The following SUCO variants were observed in gnomAD, a reference collection of about 807,000 sequenced individuals.
SUCO encodes the protein SUN domain-containing ossification factor.
In SUCO, 57 loss-of-function variants were observed where a neutral mutation model predicts 148.1. The ratio of observed to expected loss-of-function variants is 0.38; its 90% confidence interval spans 0.31 to 0.48. The LOEUF is 0.48. Among genes scored for constraint, SUCO ranks in the 20% least tolerant of loss-of-function variants. The pLI is 0.96. For missense variants in SUCO, 1,331 were observed against 1,468.2 expected, an observed-to-expected ratio of 0.91 and a Z score of 1.53; for synonymous variants, 470 against 502.7, an observed-to-expected ratio of 0.93 and a Z score of 0.87.
chr1:172,557,432 T>C lies in SUCO; in HGVS notation c.581+15T>C. 2.5e-6 allele frequency: 4 copies of C among 1,613,496 alleles called. No individual in the cohort carries two copies. Among genetic ancestry groups the C allele is most frequent in the Non-Finnish European group, 8.5e-7 (1 of 1,179,670 alleles). ...CCACCTGACAGGTGGGTAGGAGCAGTTGTTTGTCCTTCTTATGATTCTGTA... is the reference window on the plus strand; with the variant it reads ...CCACCTGACAGGTGGGTAGGAGCAGCTGTTTGTCCTTCTTATGATTCTGTA... On this transcript the variant is annotated intron_variant, in intron 5 of 23. Transcript: ENST00000263688.
In SUCO at chr1:172,611,309, G is replaced by A. The variant is rs879129426; in HGVS notation, c.*1050G>A. 2 of 152,672 alleles carry A rather than the reference G, an allele frequency of 1.3e-5. No individual in the cohort carries two copies. Among genetic ancestry groups the A allele is most frequent in the Admixed American group, 6.5e-5 (1 of 15,294 alleles). 9.5% of individuals were successfully genotyped at this position (152,672 alleles called of 1,614,324 possible). A position where few individuals can be genotyped will look rare whatever the true frequency, so the allele number is the denominator to read the frequency against. The stretch of plus-strand genomic sequence containing the variant: ...GCAGAGGTAATACATATGTGATGTC[G>A]ATGTCTCTGTCTTTTTTTTTGTCTT... On this transcript the variant is annotated 3_prime_UTR_variant, in exon 24 of 24. Coordinates refer to ENST00000263688, the MANE Select transcript of SUCO (RefSeq NM_014283.5).
At chr1:172,559,158 A>AC (rs1267270331) in intron 6 of SUCO, among the ~76,000 whole-genome samples, 3 of 152,198 alleles carry the variant, frequency 2.0e-5, no homozygotes, top group Admixed American at 2.0e-4. Flanking sequence ...TCTGTGAGAC[A>AC]CTGATTGCCG....
At chr1:172,547,896 G>C (rs1034469507) in intron 1 of SUCO, among the ~76,000 whole-genome samples, 1 of 152,072 alleles carries the variant, frequency 6.6e-6, no homozygotes, top group Non-Finnish European at 1.5e-5. Flanking sequence ...TAAGTTACTG[G>C]GAGAGAGGGA....
intron 6 of SUCO, among the ~76,000 whole-genome samples, chr1:172,561,355 TAGG>T (rs1253752057): frequency 2.0e-5 from 3 of 152,106 alleles, no homozygotes; most frequent in African/African-American, 4.8e-5. Context: ...TGTGGTTAGT[TAGG>T]AGGTCTGTGG....
At chr1:172,574,081 T>G in intron 10 of SUCO, 83 bp downstream of exon 10, 1 of 744,384 alleles carries the variant, frequency 1.3e-6, no homozygotes, top group Non-Finnish European at 2.3e-6. Flanking sequence ...GTGGGTCACA[T>G]TTTGACTTCA....
At chr1:172,595,939 C>T (rs1351789147) in intron 19 of SUCO, among the ~76,000 whole-genome samples, 1 of 152,220 alleles carries the variant, frequency 6.6e-6, no homozygotes, top group East Asian at 1.9e-4. Flanking sequence ...TTGGTCTTTT[C>T]ACATAGTCCC....
At chr1:172,542,387 A>G (rs1652535932) in intron 1 of SUCO, among the ~76,000 whole-genome samples, 1 of 152,052 alleles carries the variant, frequency 6.6e-6, no homozygotes, top group Admixed American at 6.6e-5. Flanking sequence ...CGTCTCAAAA[A>G]AAAAGAAAAA....
At chr1:172,609,217 A>AT (rs11372208) in intron 23 of SUCO, 212,923 of 797,024 alleles carry the variant, frequency 0.27, 11,684 homozygotes, top group South Asian at 0.36. Flanking sequence ...TGTTATCCTC[A>AT]TTTTTTTTTT....
chr1:172,571,463 C>T (rs1181138632), intron 9 of SUCO, among the ~76,000 whole-genome samples: 3 of 151,946 alleles, frequency 2.0e-5, no homozygotes, highest in South Asian at 4.2e-4. Context: ...AAGATTGCAG[C>T]CTGTGCCCGG....
Position 172,579,206 on chromosome 1 carries a change from T to G in SUCO, c.1437T>G (p.Tyr479Ter). Reference sequence around the variant, plus strand: ...TTTTATTTTCGTTTTTAACAGATTATCCACTGGATTATAATACTGGAGAGG... The same window carrying G: ...TTTTATTTTCGTTTTTAACAGATTAGCCACTGGATTATAATACTGGAGAGG... ...RQELFDEDYDYPLDYNTGEDK... is the reference protein window; with the variant it reads ...RQELFDEDYD Residue 479 changes from tyrosine to a stop codon, truncating the protein, a stop_gained, in exon 15 of 24, where the codon TAT (tyrosine) becomes TAG (stop). Transcript: ENST00000263688. LOFTEE classifies it high-confidence loss of function. 6.4e-7 allele frequency: 1 copy of G among 1,574,288 alleles called. No homozygotes were observed. Among genetic ancestry groups the G allele is most frequent in the Non-Finnish European group, 8.7e-7 (1 of 1,146,068 alleles).
At chr1:172,568,538 GT>G (rs1354998524) in intron 6 of SUCO, 93 of 723,368 alleles carry the variant, frequency 1.3e-4, no homozygotes, top group Non-Finnish European at 1.5e-4. Context: ...GTAAAGTTTT[GT>G]TTTTTCACAT....
intron 4 of SUCO, 144 bp downstream of exon 4, chr1:172,556,167 G>A (rs1402887119): frequency 3.3e-6 from 2 of 603,104 alleles, no homozygotes; most frequent in Admixed American, 3.0e-5. Context: ...TGTGTTTTGT[G>A]TGCGTATGTG....
chr1:172,610,152 A>T lies in SUCO; in HGVS notation c.3658A>T (p.Ile1220Leu). ...QDQGKLIKTLIQTKSGSLPSL... is the reference protein window; with the variant it reads ...QDQGKLIKTLLQTKSGSLPSL... ...CCAAGGAAAATTGATAAAAACTCTAATACAGACTAAGTCGGGATCATTGCC... is the reference window on the plus strand; with the variant it reads ...CCAAGGAAAATTGATAAAAACTCTATTACAGACTAAGTCGGGATCATTGCC... Residue 1220 changes from isoleucine (I) to leucine (L), a missense_variant, in exon 24 of 24, where the codon ATA (isoleucine) becomes TTA (leucine). This residue lies in a region of SUCO where 334 missense variants were observed against 352.3 expected (regional missense o/e 0.95). Coordinates refer to ENST00000263688, the MANE Select transcript of SUCO (RefSeq NM_014283.5). The T allele has an allele frequency of 6.2e-7, 1 of 1,613,690 alleles. No individual in the cohort carries two copies. The highest frequency in any genetic ancestry group is 8.5e-7 in the Non-Finnish European group (1 of 1,179,820).
Position 172,609,920 on chromosome 1 carries a change from G to C in SUCO, c.3426G>C (p.Thr1142=). The C allele has an allele frequency of 1.2e-6, 2 of 1,613,824 alleles. No individual in the cohort carries two copies. Among genetic ancestry groups the C allele is most frequent in the East Asian group, 2.2e-5 (1 of 44,874 alleles). The part of the protein sequence containing the change: ...NGDIKGRKPF[T]NQRDFSNMGE... ...ACATAAAAGGAAGAAAGCCCTTTAC[G>C]AACCAGAGAGATTTTTCTAATATGG... The change falls in exon 24 of 24, where the codon ACG becomes ACC. Residue 1142 remains threonine, a synonymous_variant. Transcript: ENST00000263688.
chr1:172,596,647 G>A (rs1657118293), intron 19 of SUCO, among the ~76,000 whole-genome samples: 1 of 152,192 alleles, frequency 6.6e-6, no homozygotes, highest in African/African-American at 2.4e-5. Flanking sequence ...TCCTCTGAAA[G>A]CTTTGTCTCA....
chr1:172,533,316 GC>G lies in SUCO; in HGVS notation c.-117del. 6.4e-7 allele frequency: 1 copy of G among 1,551,076 alleles called. No individual in the cohort carries two copies. Among genetic ancestry groups the G allele is most frequent in the African/African-American group, 1.4e-5 (1 of 73,166 alleles). On this transcript the variant is annotated 5_prime_UTR_variant, in exon 1 of 24. Coordinates refer to ENST00000263688, the MANE Select transcript of SUCO (RefSeq NM_014283.5). ...GAGGAGCCGCTCAGCCAGCGCCATA[GC>G]CCTTAGGACTATCGGTCACATTCTC...
At position 172,591,139 on chromosome 1, in the gene SUCO, T is replaced by C; in HGVS notation, c.2913+68T>C. 2.5e-6 allele frequency: 3 copies of C among 1,194,884 alleles called. No individual in the cohort carries two copies. The East Asian group carries it at 7.2e-5, about 28-fold the overall frequency. 74.0% of individuals were successfully genotyped at this position (1,194,884 alleles called of 1,614,324 possible). A position where few individuals can be genotyped will look rare whatever the true frequency, so the allele number is the denominator to read the frequency against. On this transcript the variant is annotated intron_variant, in intron 19 of 23. Coordinates refer to ENST00000263688, the MANE Select transcript of SUCO (RefSeq NM_014283.5). ...ACTGAATTCTGTAGGGTCTCACTGGTAAACAGTAAGTATTGTAGTTTCACT... is the reference window on the plus strand; with the variant it reads ...ACTGAATTCTGTAGGGTCTCACTGGCAAACAGTAAGTATTGTAGTTTCACT...
At chr1:172,608,004 A>G (rs1657969588) in intron 22 of SUCO, 15 of 803,274 alleles carry the variant, frequency 1.9e-5, no homozygotes, top group Non-Finnish European at 2.3e-5. Context: ...GAATAGGACT[A>G]AAGTCTCATA....
rs910739691 is a variant in SUCO, at chr1:172,574,832, A to G, written c.1158-686A>G. On this transcript the variant is annotated intron_variant, in intron 10 of 23. Coordinates refer to ENST00000263688, the MANE Select transcript of SUCO (RefSeq NM_014283.5). ...CTCCACCTCACACTCAGCACTGCAT[A>G]TATACAGTTTTTGAAATCGGTTCTC... 9 of 966,058 alleles carry G rather than the reference A, an allele frequency of 9.3e-6. No individual in the cohort carries two copies. In the East Asian group the frequency reaches 4.6e-4, roughly 49 times the overall value. 59.8% of individuals were successfully genotyped at this position (966,058 alleles called of 1,614,324 possible).
Sources: gnomAD v4.1 joint callset for allele counts (sites outside exome capture counted in the v4.1 genomes callset) on GRCh38, gnomAD v4.1.1 for gene constraint, gnomAD v4.1.1 regional missense constraint, MANE v1.5 for transcripts, NCBI Gene and HGNC (gene_info 2026-07-23, HGNC 2026-07-21) for gene names.